The following ADAMTS12 variants were observed in gnomAD, a reference collection of about 807,000 sequenced individuals.
The protein encoded by ADAMTS12 is A disintegrin and metalloproteinase with thrombospondin motifs 12.
In ADAMTS12, 118 loss-of-function variants were observed where a neutral mutation model predicts 167.8. The observed-to-expected ratio is 0.70, with a 90% confidence interval of 0.61 to 0.82. ADAMTS12 has a LOEUF of 0.82. ADAMTS12 is among the 40% of genes least tolerant of loss of function. The pLI is 0.00. For missense variants in ADAMTS12, 1,916 were observed against 1,998.8 expected (o/e 0.96, Z 0.79); for synonymous variants, 704 against 716.9 (o/e 0.98, Z 0.29).
chr5:33,704,636 T>A (rs1399991900), intron 3 of ADAMTS12, among the ~76,000 whole-genome samples: 1 of 152,218 alleles, frequency 6.6e-6, no homozygotes, highest in Non-Finnish European at 1.5e-5. Context: ...GATGGCCATT[T>A]ATATGCCTTC....
At chr5:33,887,579 C>A (rs1000275437) in intron 1 of ADAMTS12, among the ~76,000 whole-genome samples, 1 of 152,114 alleles carries the variant, frequency 6.6e-6, no homozygotes, top group African/African-American at 2.4e-5. Context: ...ATATTTAAGG[C>A]CTCAGTCCAC....
At chr5:33,699,867 T>C (rs1742938284) in intron 3 of ADAMTS12, among the ~76,000 whole-genome samples, 1 of 151,798 alleles carries the variant, frequency 6.6e-6, no homozygotes, top group South Asian at 2.1e-4. Flanking sequence ...AACTTAAAAG[T>C]AACAATACAA....
chr5:33,794,296 G>A (rs1468288112), intron 2 of ADAMTS12, among the ~76,000 whole-genome samples: 1 of 152,216 alleles, frequency 6.6e-6, no homozygotes, highest in Non-Finnish European at 1.5e-5. Flanking sequence ...TCCTGCAGGA[G>A]AAGTCCGCTT....
chr5:33,683,203 T>G (rs997079618), intron 4 of ADAMTS12, 102 bp from the exon 5 acceptor site: 2 of 873,998 alleles, frequency 2.3e-6, no homozygotes, highest in African/African-American at 3.4e-5. Flanking sequence ...AAAGGTTTTC[T>G]TATAGGTCAG....
intron 2 of ADAMTS12, among the ~76,000 whole-genome samples, chr5:33,849,568 C>T (rs111217601): frequency 0.019 from 2,381 of 122,916 alleles, 228 homozygotes; most frequent in East Asian, 0.17. Flanking sequence ...TAGCAATACA[C>T]ATGTGTATTG....
At chr5:33,580,814 C>G (rs1036662511) in intron 18 of ADAMTS12, among the ~76,000 whole-genome samples, 3 of 152,196 alleles carry the variant, frequency 2.0e-5, no homozygotes, top group African/African-American at 7.2e-5. Context: ...CTTGGAAAAG[C>G]TGATGATCTG....
At chr5:33,808,233 TG>T (rs1747315970) in intron 2 of ADAMTS12, among the ~76,000 whole-genome samples, 5 of 152,218 alleles carry the variant, frequency 3.3e-5, no homozygotes, top group Admixed American at 3.3e-4. Flanking sequence ...GAGCAGGGCC[TG>T]GGAAAAGCTA....
chr5:33,726,676 C>T (rs1743992880), intron 3 of ADAMTS12, among the ~76,000 whole-genome samples: 1 of 152,082 alleles, frequency 6.6e-6, no homozygotes, highest in African/African-American at 2.4e-5. Context: ...TGTAATAGGC[C>T]GAGATTCAGC....
chr5:33,561,287 C>T, intron 19 of ADAMTS12, 108 bp from the exon 20 acceptor site: 1 of 1,368,732 alleles, frequency 7.3e-7, no homozygotes, highest in Non-Finnish European at 9.8e-7. Flanking sequence ...CTAACATTGC[C>T]CACAGAGCTT....
intron 2 of ADAMTS12, among the ~76,000 whole-genome samples, chr5:33,811,943 G>T (rs1747478177): frequency 6.6e-6 from 1 of 152,106 alleles, no homozygotes; most frequent in South Asian, 2.1e-4. Flanking sequence ...GAGAGGAAGA[G>T]AGAGTGAAGT....
intron 21 of ADAMTS12, 63 bp downstream of exon 21, chr5:33,549,144 A>T: frequency 6.4e-7 from 1 of 1,564,844 alleles, no homozygotes; most frequent in Non-Finnish European, 8.7e-7. Flanking sequence ...CTTATGCAGT[A>T]ACACAGAGAT....
intron 3 of ADAMTS12, among the ~76,000 whole-genome samples, chr5:33,748,180 AG>A (rs761332468): frequency 3.5e-4 from 54 of 152,340 alleles, no homozygotes; most frequent in Non-Finnish European, 6.5e-4. Flanking sequence ...AAGTTCCCAC[AG>A]AGACTTCCAC....
At chr5:33,731,704 A>C (rs1406532484) in intron 3 of ADAMTS12, among the ~76,000 whole-genome samples, 2 of 152,274 alleles carry the variant, frequency 1.3e-5, no homozygotes, top group Middle Eastern at 3.4e-3. Context: ...AAAAGGCAGC[A>C]CTCAGGAACA....
In ADAMTS12 at chr5:33,719,379, C is replaced by G. The variant is rs1485182274; in HGVS notation, c.634+32025G>C. ...AGAAGAGCAGGCACCCTCATACACT[C>G]TGGGTTGGGTGAAAAGTGATACAAC... On this transcript the variant is annotated intron_variant, in intron 3 of 23. Coordinates refer to ENST00000504830, the MANE Select transcript of ADAMTS12 (RefSeq NM_030955.4). Among the ~76,000 whole-genome samples the G allele has an allele frequency of 3.3e-5, 5 of 152,192 alleles. No individual in the cohort carries two copies. In the East Asian group the frequency reaches 7.7e-4, roughly 23 times the overall value.
chr5:33,588,947 G>A (rs1333237580), intron 17 of ADAMTS12, 138 bp from the exon 18 acceptor site: 6 of 1,042,796 alleles, frequency 5.8e-6, no homozygotes, highest in African/African-American at 3.2e-5. Context: ...ACTAGGGGGC[G>A]TGCTGCAGAC....
intron 2 of ADAMTS12, among the ~76,000 whole-genome samples, chr5:33,762,218 A>G (rs1745383253): frequency 6.6e-6 from 1 of 150,444 alleles, no homozygotes; most frequent in East Asian, 2.0e-4. Context: ...AAAATAAAAA[A>G]ATAAAAGAGG....
intron 2 of ADAMTS12, among the ~76,000 whole-genome samples, chr5:33,811,617 A>G (rs1012963064): frequency 6.6e-6 from 1 of 152,190 alleles, no homozygotes; most frequent in Non-Finnish European, 1.5e-5. Context: ...TAGAGAGAAA[A>G]TGGGGCCATA....
chr5:33,747,220 C>T (rs1025352281), intron 3 of ADAMTS12, among the ~76,000 whole-genome samples: 1 of 152,014 alleles, frequency 6.6e-6, no homozygotes, highest in Non-Finnish European at 1.5e-5. Context: ...GTAAAGTAAG[C>T]AAATAAAGTG....
At chr5:33,666,699 G>T (rs10472877) in intron 5 of ADAMTS12, among the ~76,000 whole-genome samples, 51,013 of 151,794 alleles carry the variant, frequency 0.34, 8,913 homozygotes, top group African/African-American at 0.45. Context: ...CACCATGTTG[G>T]CCAGGATGGT....
Sources: gnomAD v4.1 joint callset for allele counts (sites outside exome capture counted in the v4.1 genomes callset) on GRCh38, gnomAD v4.1.1 for gene constraint, MANE v1.5 for transcripts, NCBI Gene and HGNC (gene_info 2026-07-23, HGNC 2026-07-21) for gene names.